The following PROZ variants were observed in gnomAD, a reference collection of about 807,000 sequenced individuals.
The protein encoded by PROZ is protein Z, vitamin K dependent plasma glycoprotein.
Under a neutral mutation model 34.9 loss-of-function variants are expected in PROZ, and 46 were observed. The observed-to-expected ratio is 1.32, with a 90% confidence interval of 1.04 to 1.69. The LOEUF is 1.69. Among genes scored for constraint, PROZ ranks in the 40% most tolerant of loss-of-function variants. The probability of loss-of-function intolerance (pLI) is 0.00; values close to 1 mark genes in which losing one functional copy is unlikely to be tolerated. For synonymous variants in PROZ, 195 were observed against 208.5 expected, an observed-to-expected ratio of 0.94 and a Z score of 0.56; for missense variants, 530 against 520.4, an observed-to-expected ratio of 1.02 and a Z score of -0.18.
At chr13:113,164,902 G>C (rs1469731878) in intron 5 of PROZ, 151 bp from the exon 6 acceptor site, 2 of 958,348 alleles carry the variant, frequency 2.1e-6, no homozygotes, top group Admixed American at 4.0e-5. Flanking sequence ...CTGTGTGTCT[G>C]TGAATTACTG....
At chr13:113,160,885 A>T in intron 2 of PROZ, 63 bp from the exon 3 acceptor site, 1 of 1,390,700 alleles carries the variant, frequency 7.2e-7, no homozygotes, top group Non-Finnish European at 1.0e-6. Flanking sequence ...AAGTTCATCT[A>T]CAGGAAAGAA....
intron 2 of PROZ, among the ~76,000 whole-genome samples, chr13:113,160,380 G>A (rs537114120): frequency 6.6e-6 from 1 of 152,260 alleles, no homozygotes; most frequent in South Asian, 2.1e-4. Context: ...GAGTGGGGCT[G>A]GAAGTCAGCT....
Position 113,170,491 on chromosome 13 carries a change from A to G in PROZ, c.652A>G (p.Lys218Glu), listed in dbSNP as rs1196216656. The G allele has an allele frequency of 6.2e-7, 1 of 1,605,442 alleles. No homozygotes were observed. The highest frequency in any genetic ancestry group is 8.5e-7 in the Non-Finnish European group (1 of 1,172,254). ...GGAAAATTTTGTACTGACAACAGCA[A>G]AATGTTCACTGTTACACAGGAATAT... The part of the protein sequence containing the change: ...IRENFVLTTA[K>E]CSLLHRNITV... The change falls in exon 7 of 8, where the codon AAA (lysine) becomes GAA (glutamate). Residue 218 changes from lysine (K) to glutamate (E), a missense_variant. Coordinates refer to ENST00000375547, the MANE Select transcript of PROZ (RefSeq NM_003891.3).
At chr13:113,167,948 C>T (rs1479945370) in intron 6 of PROZ, among the ~76,000 whole-genome samples, 2 of 152,012 alleles carry the variant, frequency 1.3e-5, no homozygotes, top group East Asian at 1.9e-4. Flanking sequence ...TCTTTGTTGG[C>T]GGTTGCTTCA....
At chr13:113,164,134 C>T (rs1416735936) in intron 4 of PROZ, among the ~76,000 whole-genome samples, 3 of 152,034 alleles carry the variant, frequency 2.0e-5, no homozygotes, top group African/African-American at 7.2e-5. Context: ...CACGCGCCAC[C>T]ACGCCTGGCT....
Position 113,163,140 on chromosome 13 carries a change from C to A in PROZ, c.373+18C>A. 6.5e-7 allele frequency: 1 copy of A among 1,535,646 alleles called. No individual in the cohort carries two copies. The highest frequency in any genetic ancestry group is 2.4e-5 in the East Asian group (1 of 40,858). ...CGAGCTGGGTGAGGCCCCGGCCGTC[C>A]CCTTCCCCCAAGGGCCTCCCTGGGC... On this transcript the variant is annotated intron_variant, in intron 4 of 7. Transcript: ENST00000375547.
Position 113,161,153 on chromosome 13 carries a change from C to T in PROZ, c.259+181C>T, listed in dbSNP as rs533280837. ...CCCAAGGACCAGGTCAGGAAGCCCC[C>T]GGGCTCTGCCACCAGGGCCACAGGC... is the stretch of plus-strand genomic sequence containing the variant. On this transcript the variant is annotated intron_variant, in intron 3 of 7. Coordinates refer to ENST00000375547, the MANE Select transcript of PROZ (RefSeq NM_003891.3). Among the ~76,000 whole-genome samples, 7 of 152,312 alleles carry T rather than the reference C, an allele frequency of 4.6e-5. No individual in the cohort carries two copies. In the South Asian group the frequency reaches 6.2e-4, roughly 14 times the overall value.
chr13:113,168,832 G>A (rs2037024240), intron 6 of PROZ, among the ~76,000 whole-genome samples: 1 of 152,112 alleles, frequency 6.6e-6, no homozygotes, highest in Admixed American at 6.5e-5. Context: ...GGGTTCAGGT[G>A]ATCCTCCCAC....
intron 6 of PROZ, among the ~76,000 whole-genome samples, chr13:113,166,753 G>A (rs2036947193): frequency 2.0e-5 from 3 of 152,176 alleles, no homozygotes; most frequent in South Asian, 4.1e-4. Context: ...CCATGAGTGC[G>A]CTGAGGGTCG....
In PROZ at chr13:113,171,752, G is replaced by T; in HGVS notation, c.850G>T (p.Glu284Ter). 1.9e-6 allele frequency: 3 copies of T among 1,612,094 alleles called. No individual in the cohort carries two copies. In the South Asian group the frequency reaches 3.3e-5, roughly 18 times the overall value. The change falls in exon 8 of 8, where the codon GAG becomes TAG. Residue 284 changes from glutamate to a stop codon, truncating the protein, a stop_gained. Coordinates refer to ENST00000375547, the MANE Select transcript of PROZ (RefSeq NM_003891.3). LOFTEE classifies it low-confidence loss of function (END_TRUNC). The surrounding 1 kb of genome is among the most constrained non-coding windows in gnomAD (Gnocchi z 5.1). ...TGCGGGGCTCCCCGTGTGCACCCCT[G>T]AGAAAGACTTCGCTGAGCACCTCCT... is the stretch of plus-strand genomic sequence containing the variant. ...PGAGLPVCTP[E>*]KDFAEHLLIP...
Position 113,158,839 on chromosome 13 carries a change from T to G in PROZ, c.70+109T>G. On this transcript the variant is annotated intron_variant, in intron 1 of 7. Transcript: ENST00000375547. This position sits in a 1 kb window ranked among gnomAD's most constrained non-coding sequence, Gnocchi z 4.3. ...TTCCAGGAGCCAGAGGAGCCCTGAG[T>G]GCCCAGACTAGTCTTAATTCCCCTG... The G allele has an allele frequency of 9.2e-7, 1 of 1,082,558 alleles. No individual in the cohort carries two copies. Among genetic ancestry groups the G allele is most frequent in the Non-Finnish European group, 1.4e-6 (1 of 728,818 alleles). The allele number at this position is 1,082,558 out of a possible 1,614,324, so 67.1% of individuals were successfully genotyped here.
In PROZ at chr13:113,159,705, C is replaced by T. The variant is rs1319575762; in HGVS notation, c.71-309C>T. 6.6e-6 allele frequency among the ~76,000 whole-genome samples: 1 copy of T among 152,264 alleles called. No homozygotes were observed. Among genetic ancestry groups the T allele is most frequent in the Non-Finnish European group, 1.5e-5 (1 of 68,048 alleles). ...GACCTTTGACCCCAGCTCAGCCTTC[C>T]TTCGCACTCAGACCCAAAACCCAGT... On this transcript the variant is annotated intron_variant, in intron 1 of 7. Transcript: ENST00000375547. The surrounding 1 kb of genome is among the most constrained non-coding windows in gnomAD (Gnocchi z 4.6).
Position 113,172,033 on chromosome 13 carries a change from A to AG in PROZ, c.1134dup (p.Gln379AlafsTer18). ...GGGTCCTGGGCTCGCAGCCAGTAGG[A>AG]GGGCAGGCTCACATGGTCCTTGTCA... On this transcript the variant is annotated frameshift_variant, in exon 8 of 8. Coordinates refer to ENST00000375547, the MANE Select transcript of PROZ (RefSeq NM_003891.3). LOFTEE classifies it low-confidence loss of function (END_TRUNC). The AG allele has an allele frequency of 6.2e-7, 1 of 1,613,126 alleles. No homozygotes were observed. The highest frequency in any genetic ancestry group is 2.2e-5 in the East Asian group (1 of 44,886).
chr13:113,169,353 T>C (rs1454943894), intron 6 of PROZ, among the ~76,000 whole-genome samples: 1 of 152,254 alleles, frequency 6.6e-6, no homozygotes, highest in Non-Finnish European at 1.5e-5. Flanking sequence ...TTTGAACATT[T>C]GGACTACAGT....
chr13:113,164,099 C>G (rs1055049409), intron 4 of PROZ, among the ~76,000 whole-genome samples: 1 of 152,004 alleles, frequency 6.6e-6, no homozygotes, highest in Admixed American at 6.6e-5. Context: ...CCTGCCTCAG[C>G]CTCCCGAGTA....
rs746247906 is a variant in PROZ, at chr13:113,165,043, G to A, written c.506-10G>A. 17 of 1,613,062 alleles carry A rather than the reference G, an allele frequency of 1.1e-5. No individual in the cohort carries two copies. Among genetic ancestry groups the A allele is most frequent in the East Asian group, 8.9e-5 (4 of 44,902 alleles). ...TGATTTTTATTCTCATGTTGCTGCC[G>A]CAAATGCAGACCAGTGTGCCTGCGG... On this transcript the variant is annotated splice_polypyrimidine_tract_variant and intron_variant, in intron 5 of 7. Transcript: ENST00000375547.
intron 2 of PROZ, 104 bp from the exon 3 acceptor site, chr13:113,160,844 A>G: frequency 1.0e-6 from 1 of 1,004,330 alleles, no homozygotes; most frequent in Non-Finnish European, 1.6e-6. Flanking sequence ...TTGTCCTATT[A>G]AGTGAATAAA....
chr13:113,170,177 G>A (rs1039942308), intron 6 of PROZ, among the ~76,000 whole-genome samples: 2 of 152,174 alleles, frequency 1.3e-5, no homozygotes, highest in African/African-American at 4.8e-5. Context: ...TGGGCCGAAA[G>A]GGGAAGTGCC....
intron 6 of PROZ, among the ~76,000 whole-genome samples, chr13:113,167,887 T>C (rs1336571604): frequency 1.3e-5 from 2 of 152,254 alleles, no homozygotes; most frequent in East Asian, 3.8e-4. Context: ...AGATTAACTA[T>C]ATATTGTTAT....
Sources: gnomAD v4.1 joint callset for allele counts (sites outside exome capture counted in the v4.1 genomes callset) on GRCh38, gnomAD v4.1.1 for gene constraint, Gnocchi (gnomAD v3.1) non-coding constraint, MANE v1.5 for transcripts, NCBI Gene and HGNC (gene_info 2026-07-23, HGNC 2026-07-21) for gene names.